Variants in PGK1 observed in about 807,000 individuals in gnomAD.
PGK1 encodes the protein PRP 2.
PGK1 carries 3 observed loss-of-function variants against 26.9 expected under a neutral mutation model. The ratio of observed to expected loss-of-function variants is 0.11; its 90% confidence interval spans 0.05 to 0.29. The LOEUF is 0.29. PGK1 is among the 10% of genes least tolerant of loss of function. The pLI, the probability that PGK1 is intolerant of heterozygous loss-of-function variation, is 1.00. For synonymous variants in PGK1, 125 were observed against 115.3 expected, an observed-to-expected ratio of 1.08 and a Z score of -0.54; for missense variants, 270 against 314.7, an observed-to-expected ratio of 0.86 and a Z score of 1.07.
Position 78,104,325 on chromosome X carries a change from C to G in PGK1, c.-16C>G. On this transcript the variant is annotated 5_prime_UTR_variant, in exon 1 of 11. Coordinates refer to ENST00000373316, the MANE Select transcript of PGK1 (RefSeq NM_000291.4). ...TGACCGAATCACCGACCTCTCTCCC[C>G]AGCTGTATTTCCAAAATGTCGCTTT... 1 of 1,174,116 alleles carries G rather than the reference C, an allele frequency of 8.5e-7. No homozygotes were observed. The highest frequency in any genetic ancestry group is 1.2e-6 in the Non-Finnish European group (1 of 861,414).
At position 78,125,334 on chromosome X, in the gene PGK1, A is replaced by G. The variant is rs782820672; in HGVS notation, c.1122A>G (p.Gly374=). The change falls in exon 10 of 11, where the codon GGA becomes GGG. Residue 374 remains glycine (G), a synonymous_variant. Transcript: ENST00000373316. ...CTGGCTTTCATTCAACAGGTGGTGG[A>G]GACACTGCCACTTGCTGTGCCAAAT... ...SRGCITIIGG[G]DTATCCAKWN... is the part of the protein sequence containing the mutation. 3.4e-6 allele frequency: 4 copies of G among 1,193,118 alleles called. No individual in the cohort carries two copies. The highest frequency in any genetic ancestry group is 4.5e-6 in the Non-Finnish European group (4 of 879,158).
intron 2 of PGK1, among the ~76,000 whole-genome samples, chrX:78,113,039 C>G (rs1408540911): frequency 8.9e-6 from 1 of 112,154 alleles, no homozygotes; most frequent in Non-Finnish European, 1.9e-5. Flanking sequence ...GTGGCTCACG[C>G]CTGTATTCCC....
chrX:78,110,570 C>T (rs982730129), intron 2 of PGK1, among the ~76,000 whole-genome samples: 3 of 109,389 alleles, frequency 2.7e-5, no homozygotes, highest in Non-Finnish European at 5.7e-5. Context: ...GCCAGTAGTT[C>T]GAGAACAGCC....
chrX:78,117,325 C>T lies in PGK1; in HGVS notation c.431C>T (p.Pro144Leu). 8.3e-7 allele frequency: 1 copy of T among 1,203,199 alleles called. No individual in the cohort carries two copies. Among genetic ancestry groups the T allele is most frequent in the Non-Finnish European group, 1.1e-6 (1 of 887,837 alleles). The change falls in exon 5 of 11, where the codon CCA becomes CTA. Residue 144 changes from proline to leucine, a missense_variant. By Grantham distance (98) the Pro-to-Leu change is moderately conservative. Around this residue, in one of 3 missense-constraint regions of PGK1, gnomAD observed 150 missense variants for 154.6 expected, o/e 0.97. Coordinates refer to ENST00000373316, the MANE Select transcript of PGK1 (RefSeq NM_000291.4). ...DASGNKVKAE[P>L]AKIEAFRASL... ...TTTTCTCTATAGGTTAAAGCCGAGCCAGCCAAAATAGAAGCTTTCCGAGCT... is the reference window on the plus strand; with the variant it reads ...TTTTCTCTATAGGTTAAAGCCGAGCTAGCCAAAATAGAAGCTTTCCGAGCT...
At position 78,104,276 on chromosome X, in the gene PGK1, C is replaced by A; in HGVS notation, c.-65C>A. ...CCGCATTCTGCAAGCCTCCGGAGCG[C>A]ACGTCGGCAGTCGGCTCCCTCGTTG... On this transcript the variant is annotated 5_prime_UTR_variant, in exon 1 of 11. Coordinates refer to ENST00000373316, the MANE Select transcript of PGK1 (RefSeq NM_000291.4). 1 of 841,424 alleles carries A rather than the reference C, an allele frequency of 1.2e-6. No individual in the cohort carries two copies. Among genetic ancestry groups the A allele is most frequent in the Non-Finnish European group, 1.8e-6 (1 of 561,419 alleles). The allele number at this position is 841,424 out of a possible 1,213,427, so 69.3% of individuals were successfully genotyped here.
At position 78,127,957 on chromosome X, in the gene PGK1, C is replaced by T. The variant is rs1557248877; in HGVS notation, c.*2127C>T. 1 of 111,850 alleles carries T rather than the reference C, an allele frequency of 8.9e-6. No individual in the cohort carries two copies. Among genetic ancestry groups the T allele is most frequent in the Non-Finnish European group, 1.9e-5 (1 of 53,167 alleles). 9.2% of individuals were successfully genotyped at this position (111,850 alleles called of 1,213,427 possible). A position where few individuals can be genotyped will look rare whatever the true frequency, so the allele number is the denominator to read the frequency against. On this transcript the variant is annotated 3_prime_UTR_variant, in exon 11 of 11. Transcript: ENST00000373316. ...GAAAGAAGCATAAACTCCCATAAAC[C>T]CAGCACCTAGACTCTACAATTGCCA...
chrX:78,104,914 G>GC (rs1557246028), intron 1 of PGK1, among the ~76,000 whole-genome samples: 1 of 110,967 alleles, frequency 9.0e-6, no homozygotes, highest in Non-Finnish European at 1.9e-5. Flanking sequence ...AGACCCCCCC[G>GC]CCCCCCGCCA....
At chrX:78,122,811 G>C (rs2078362837) in intron 6 of PGK1, 24 bp from the exon 7 acceptor site, 1 of 899,582 alleles carries the variant, frequency 1.1e-6, no homozygotes, top group African/African-American at 2.0e-5. Context: ...TTCTTTAAGT[G>C]ATGATTCTTG....
chrX:78,108,686 T>C (rs1338160286), intron 1 of PGK1, among the ~76,000 whole-genome samples: 1 of 111,732 alleles, frequency 8.9e-6, no homozygotes, highest in Non-Finnish European at 1.9e-5. Context: ...AGGAAAAAGA[T>C]GGAGGCTTAT....
intron 10 of PGK1, 84 bp downstream of exon 10, chrX:78,125,509 A>G (rs1168054066): frequency 3.1e-6 from 2 of 654,924 alleles, no homozygotes; most frequent in Non-Finnish European, 5.0e-6. Flanking sequence ...GGAGAAAGTT[A>G]GAAGGTAGTG....
intron 4 of PGK1, among the ~76,000 whole-genome samples, chrX:78,115,886 G>C (rs1239226104): frequency 5.4e-5 from 6 of 110,969 alleles, no homozygotes; most frequent in Non-Finnish European, 1.1e-4. Flanking sequence ...GTCTTGTTCT[G>C]TTGCCCATGG....
At chrX:78,117,243 T>C in intron 4 of PGK1, 69 bp from the exon 5 acceptor site, 1 of 736,764 alleles carries the variant, frequency 1.4e-6, no homozygotes. Context: ...AGAGGACTCT[T>C]GGTGTATGAA....
chrX:78,116,160 T>G (rs1479317678), intron 4 of PGK1, among the ~76,000 whole-genome samples: 3 of 111,282 alleles, frequency 2.7e-5, no homozygotes, highest in African/African-American at 9.8e-5. Context: ...GCCCCTGGCC[T>G]CCTTAAATAG....
At chrX:78,111,376 C>T (rs781984240) in intron 2 of PGK1, among the ~76,000 whole-genome samples, 8 of 112,260 alleles carry the variant, frequency 7.1e-5, no homozygotes, top group Admixed American at 3.8e-4. Flanking sequence ...CACTGTGCTC[C>T]GCCTATTTTA....
Position 78,129,220 on chromosome X carries a change from C to CCTACCTATCTATCTAT in PGK1, c.*3393_*3394insCCTATCTATCTATCTA, listed in dbSNP as rs1557249063. The stretch of plus-strand genomic sequence containing the variant: ...CATAAAGAGCATACCCATGTGTGTA[C>CCTACCTATCTATCTAT]CTATCTATCTATCTATCTATCTATC... On this transcript the variant is annotated 3_prime_UTR_variant, in exon 11 of 11. Coordinates refer to ENST00000373316, the MANE Select transcript of PGK1 (RefSeq NM_000291.4). The CCTACCTATCTATCTAT allele has an allele frequency of 3.0e-5, 3 of 100,035 alleles. No individual in the cohort carries two copies. The highest frequency in any genetic ancestry group is 2.2e-4 in the Admixed American group (2 of 9,032). 8.2% of individuals were successfully genotyped at this position (100,035 alleles called of 1,213,427 possible). A position where few individuals can be genotyped will look rare whatever the true frequency, so the allele number is the denominator to read the frequency against.
At chrX:78,115,973 T>C (rs2284753) in intron 4 of PGK1, among the ~76,000 whole-genome samples, 50,785 of 108,734 alleles carry the variant, frequency 0.47, 11,343 homozygotes, top group African/African-American at 0.87. Context: ...CTCATCCTTG[T>C]AGGGAGCTAG....
At chrX:78,125,198 T>A in intron 9 of PGK1, 129 bp from the exon 10 acceptor site, 2 of 724,911 alleles carry the variant, frequency 2.8e-6, no homozygotes, top group Middle Eastern at 3.7e-4. Context: ...AGGAGCCTCT[T>A]GGTAAGATAG....
chrX:78,109,719 C>G, intron 1 of PGK1, 148 bp from the exon 2 acceptor site: 1 of 502,576 alleles, frequency 2.0e-6, no homozygotes, highest in Non-Finnish European at 3.6e-6. Flanking sequence ...CTCCCCATGA[C>G]TAACCACTAT....
In PGK1 at chrX:78,125,020, A is replaced by G; in HGVS notation, c.1083A>G (p.Lys361=). 1 of 1,210,219 alleles carries G rather than the reference A, an allele frequency of 8.3e-7. No homozygotes were observed. Among genetic ancestry groups the G allele is most frequent in the Non-Finnish European group, 1.1e-6 (1 of 894,197 alleles). Residue 361 remains lysine (K), a synonymous_variant, in exon 9 of 11, where the codon AAA becomes AAG. Transcript: ENST00000373316. Reference sequence around the variant, plus strand: ...AAGCTCTCATGGATGAGGTGGTGAAAGCCACTTCTAGGGGCTGCATCACCA... The same window carrying G: ...AAGCTCTCATGGATGAGGTGGTGAAGGCCACTTCTAGGGGCTGCATCACCA... ...GTKALMDEVV[K]ATSRGCITII... is the part of the protein sequence containing the mutation.
Sources: gnomAD v4.1 joint callset for allele counts (sites outside exome capture counted in the v4.1 genomes callset) on GRCh38, gnomAD v4.1.1 for gene constraint, gnomAD v4.1.1 regional missense constraint, MANE v1.5 for transcripts, NCBI Gene and HGNC (gene_info 2026-07-23, HGNC 2026-07-21) for gene names.